PIN4: variants seen among roughly 807,000 people sequenced by gnomAD.
PIN4 encodes peptidyl-prolyl cis-trans isomerase NIMA-interacting 4.
Under a neutral mutation model 8.3 loss-of-function variants are expected in PIN4, and 3 were observed. That is an observed-to-expected ratio of 0.36 (90% confidence interval 0.16 to 0.93). The LOEUF (loss-of-function observed/expected upper bound fraction) is 0.93. Among genes scored for constraint, PIN4 ranks in the 40% least tolerant of loss-of-function variants. The probability of loss-of-function intolerance (pLI) is 0.44; values close to 1 mark genes in which losing one functional copy is unlikely to be tolerated. For missense variants in PIN4, 75 were observed against 100.6 expected, an observed-to-expected ratio of 0.75 and a Z score of 1.09; for synonymous variants, 18 against 32.5, an observed-to-expected ratio of 0.55 and a Z score of 1.52.
chrX:72,239,204 C>G (rs781685171), intron 3 of PIN4, among the ~76,000 whole-genome samples: 2 of 113,239 alleles, frequency 1.8e-5, no homozygotes, highest in African/African-American at 6.4e-5. Context: ...TGTGCTGCCT[C>G]AGTCTGTGAT....
chrX:72,193,551 TAAAA>T (rs202168786), intron 2 of PIN4, among the ~76,000 whole-genome samples: 1 of 107,493 alleles, frequency 9.3e-6, no homozygotes, highest in African/African-American at 3.4e-5. Flanking sequence ...GTTTAAAAAT[TAAAA>T]AAAAAAATTT....
At position 72,248,598 on chromosome X, in the gene PIN4, C is replaced by T. The variant is rs753518138; in HGVS notation, c.313-14109C>T. ...CATGAATTGAAAAACCAATCCTCAG[C>T]CAGGTGCAGTGGCTCATGCCTGTAA... On this transcript the variant is annotated intron_variant, in intron 3 of 3. Coordinates refer to the PIN4 transcript ENST00000423432. 1.4e-4 allele frequency among the ~76,000 whole-genome samples: 16 copies of T among 112,572 alleles called. No homozygotes were observed. The South Asian group carries it at 4.0e-3, about 28-fold the overall frequency.
intron 3 of PIN4, chrX:72,206,976 T>C (rs1349297208): frequency 1.7e-6 from 2 of 1,211,094 alleles, no homozygotes; most frequent in Non-Finnish European, 1.1e-6. Flanking sequence ...TGAAAACCTG[T>C]CTTCTGTATA....
chrX:72,245,069 CAAAAAAAAAAAAA>C lies in PIN4; in HGVS notation c.313-17619_313-17607del, dbSNP rs35952560. Among the ~76,000 whole-genome samples the C allele has an allele frequency of 3.0e-3, 59 of 19,746 alleles. 1 individual carries two copies. The highest frequency in any genetic ancestry group is 3.9e-3 in the African/African-American group (19 of 4,933). 17.1% of individuals were successfully genotyped at this position (19,746 alleles called of 115,157 possible). On this transcript the variant is annotated intron_variant, in intron 3 of 3. Coordinates refer to the PIN4 transcript ENST00000423432. ...CCCGAGTGACAGAGTGAGATCCTGTCAAAAAAAAAAAAAAAAAAAAAAAAAAAAAAAGGAGCCG... is the reference window on the plus strand; with the variant it reads ...CCCGAGTGACAGAGTGAGATCCTGTCAAAAAAAAAAAAAAAAAAGGAGCCG...
intron 3 of PIN4, among the ~76,000 whole-genome samples, chrX:72,220,581 C>A (rs187596796): frequency 3.8e-4 from 42 of 111,025 alleles, no homozygotes; most frequent in Non-Finnish European, 7.2e-4. Flanking sequence ...GATAACCCCC[C>A]TCTGGCCAGG....
At chrX:72,214,404 CA>C (rs2042874892) in intron 3 of PIN4, among the ~76,000 whole-genome samples, 1 of 111,795 alleles carries the variant, frequency 8.9e-6, no homozygotes, top group Admixed American at 9.5e-5. Flanking sequence ...TCTTAATAGC[CA>C]AAAACTGGAA....
intron 3 of PIN4, among the ~76,000 whole-genome samples, chrX:72,232,797 C>T (rs757722768): frequency 1.9e-4 from 21 of 111,105 alleles, no homozygotes; most frequent in African/African-American, 5.6e-4. Flanking sequence ...GCAACAAGAG[C>T]GAAACTCCGT....
intron 3 of PIN4, among the ~76,000 whole-genome samples, chrX:72,224,522 G>A (rs1464770335): frequency 9.0e-6 from 1 of 111,664 alleles, no homozygotes; most frequent in Non-Finnish European, 1.9e-5. Flanking sequence ...CGAGGCAGGC[G>A]GATCACCTGA....
chrX:72,260,059 G>A (rs1410197108), intron 3 of PIN4, among the ~76,000 whole-genome samples: 3 of 110,985 alleles, frequency 2.7e-5, no homozygotes, highest in Admixed American at 1.9e-4. Flanking sequence ...ATCCTTAACC[G>A]CTATGCTGTA....
At chrX:72,212,688 C>T (rs771316296) in intron 3 of PIN4, among the ~76,000 whole-genome samples, 1 of 112,131 alleles carries the variant, frequency 8.9e-6, no homozygotes, top group South Asian at 3.7e-4. Flanking sequence ...AGCCTCTAAT[C>T]CCAGTACTTT....
At position 72,197,287 on chromosome X, in the gene PIN4, G is replaced by C; in HGVS notation, c.238-81G>C. The C allele has an allele frequency of 4.3e-6, 4 of 920,478 alleles. No individual in the cohort carries two copies. In the South Asian group the frequency reaches 9.3e-5, roughly 21 times the overall value. 75.9% of individuals were successfully genotyped at this position (920,478 alleles called of 1,213,427 possible). On this transcript the variant is annotated intron_variant, in intron 3 of 3. Transcript: ENST00000373669. ...ATATACCTCGTAACCTTAGCAAAAT[G>C]TTGGGAAATTCTCTCAAGCTACAGT...
At chrX:72,237,275 T>C (rs1260303472) in intron 3 of PIN4, among the ~76,000 whole-genome samples, 3 of 111,362 alleles carry the variant, frequency 2.7e-5, no homozygotes, top group East Asian at 2.8e-4. Flanking sequence ...GGCAGGAGGA[T>C]TGCTTGAACT....
intron 3 of PIN4, 76 bp from the exon 4 acceptor site, chrX:72,197,292 G>A (rs933755054): frequency 3.1e-6 from 3 of 964,333 alleles, no homozygotes; most frequent in African/African-American, 3.9e-5. Flanking sequence ...AAAATGTTGG[G>A]AAATTCTCTC....
chrX:72,225,609 G>A (rs760645591), intron 3 of PIN4, among the ~76,000 whole-genome samples: 16 of 111,762 alleles, frequency 1.4e-4, no homozygotes, highest in African/African-American at 5.2e-4. Flanking sequence ...TTCTTTCCTC[G>A]GATTAGTGGG....
In PIN4 at chrX:72,211,984, C is replaced by A. The variant is rs752872134; in HGVS notation, c.312+15080C>A. ...CCCTGCCCAAGTGGCCATATAAAAT[C>A]ATCTCTGTGGCTGGGCATGGTGGCT... On this transcript the variant is annotated intron_variant, in intron 3 of 3. Coordinates refer to the PIN4 transcript ENST00000423432. Among the ~76,000 whole-genome samples, 11 of 111,098 alleles carry A rather than the reference C, an allele frequency of 9.9e-5. No homozygotes were observed. In the East Asian group the frequency reaches 3.1e-3, roughly 31 times the overall value.
chrX:72,241,039 G>A (rs968550000), intron 3 of PIN4, among the ~76,000 whole-genome samples: 1 of 110,979 alleles, frequency 9.0e-6, no homozygotes, highest in African/African-American at 3.3e-5. Flanking sequence ...GTGCCGTTTC[G>A]CTGTGTCACA....
intron 3 of PIN4, among the ~76,000 whole-genome samples, chrX:72,242,015 G>T (rs777603287): frequency 1.8e-5 from 2 of 111,442 alleles, no homozygotes; most frequent in South Asian, 7.7e-4. Flanking sequence ...TTCATCTTGA[G>T]TCTGGGGAAG....
intron 3 of PIN4, chrX:72,206,157 G>A: frequency 8.3e-7 from 1 of 1,211,565 alleles, no homozygotes; most frequent in South Asian, 1.8e-5. Flanking sequence ...TGGTTGATTT[G>A]CTAAGTACAT....
At chrX:72,237,975 A>G (rs1395254048) in intron 3 of PIN4, 1 of 110,926 alleles carries the variant, frequency 9.0e-6, no homozygotes, top group African/African-American at 3.3e-5. Flanking sequence ...TAAAGCAGTA[A>G]AATTCACAGA....
Sources: gnomAD v4.1 joint callset for allele counts (sites outside exome capture counted in the v4.1 genomes callset) on GRCh38, gnomAD v4.1.1 for gene constraint, MANE v1.5 for transcripts, NCBI Gene and HGNC (gene_info 2026-07-23, HGNC 2026-07-21) for gene names.